Variants in SLC9A9 observed in about 807,000 individuals in gnomAD.
SLC9A9 encodes sodium/hydrogen exchanger 9.
SLC9A9 carries 62 observed loss-of-function variants against 77.8 expected under a neutral mutation model. The ratio of observed to expected loss-of-function variants is 0.80; its 90% CI spans 0.65 to 0.98. The LOEUF is 0.98. Ranked by LOEUF, SLC9A9 falls within the 50% of genes least tolerant of loss-of-function variation. SLC9A9 has a pLI of 0.00. For synonymous variants in SLC9A9, 320 were observed against 283.5 expected, an observed-to-expected ratio of 1.13 and a Z score of -1.29; for missense variants, 775 against 774.9, an observed-to-expected ratio of 1.00 and a Z score of 0.00.
chr3:143,599,404 G>A (rs982221743), intron 6 of SLC9A9, among the ~76,000 whole-genome samples: 9 of 152,032 alleles, frequency 5.9e-5, no homozygotes, highest in African/African-American at 2.2e-4. Flanking sequence ...TATAAGGAGA[G>A]CCTCTGTTTG....
At chr3:143,387,469 C>T (rs2033455659) in intron 12 of SLC9A9, among the ~76,000 whole-genome samples, 1 of 151,868 alleles carries the variant, frequency 6.6e-6, no homozygotes, top group Non-Finnish European at 1.5e-5. Flanking sequence ...AATTAGAAAG[C>T]AACTAAAAAA....
At chr3:143,688,909 T>A (rs190290579) in intron 5 of SLC9A9, among the ~76,000 whole-genome samples, 12 of 150,862 alleles carry the variant, frequency 8.0e-5, no homozygotes, top group Admixed American at 4.7e-4. Flanking sequence ...GTCTAATGAC[T>A]CTACTGGAAA....
intron 4 of SLC9A9, among the ~76,000 whole-genome samples, chr3:143,765,892 G>A (rs2007297964): frequency 6.6e-6 from 1 of 152,156 alleles, no homozygotes; most frequent in African/African-American, 2.4e-5. Flanking sequence ...AAAAAGCCTT[G>A]TAAATTTTTG....
chr3:143,541,925 A>G (rs570209298), intron 9 of SLC9A9, among the ~76,000 whole-genome samples: 2 of 152,346 alleles, frequency 1.3e-5, no homozygotes, highest in South Asian at 4.1e-4. Flanking sequence ...AAGGAGAAAC[A>G]TGGATGTCTT....
intron 5 of SLC9A9, among the ~76,000 whole-genome samples, chr3:143,672,390 C>G (rs958171932): frequency 6.6e-5 from 10 of 152,052 alleles, no homozygotes; most frequent in African/African-American, 2.4e-4. Context: ...CAATGAAGAA[C>G]ACAATTAAAT....
chr3:143,474,576 T>C (rs1213191009), intron 11 of SLC9A9, among the ~76,000 whole-genome samples: 2 of 151,864 alleles, frequency 1.3e-5, no homozygotes, highest in Admixed American at 6.6e-5. Flanking sequence ...CCTGGAAGAA[T>C]TGGGGAAGCC....
At chr3:143,444,632 T>C (rs2034809056) in intron 12 of SLC9A9, among the ~76,000 whole-genome samples, 1 of 152,168 alleles carries the variant, frequency 6.6e-6, no homozygotes, top group African/African-American at 2.4e-5. Context: ...TAGTAATATG[T>C]AATAATAACA....
chr3:143,475,701 A>T (rs2035464646), intron 11 of SLC9A9, among the ~76,000 whole-genome samples: 1 of 151,786 alleles, frequency 6.6e-6, no homozygotes, highest in Admixed American at 6.6e-5. Flanking sequence ...CTGAGGCAGG[A>T]GAATGGCATG....
intron 1 of SLC9A9, among the ~76,000 whole-genome samples, chr3:143,840,584 C>T (rs936244356): frequency 6.6e-6 from 1 of 152,192 alleles, no homozygotes; most frequent in South Asian, 2.1e-4. Flanking sequence ...ATTTCAACTC[C>T]AGCTACTTAA....
chr3:143,633,789 A>G, intron 6 of SLC9A9, among the ~76,000 whole-genome samples: 2 of 152,352 alleles, frequency 1.3e-5, no homozygotes, highest in Middle Eastern at 3.4e-3. Context: ...ATTTAGGAAG[A>G]GTATTAATAT....
chr3:143,373,347 C>G (rs553622348), intron 13 of SLC9A9, among the ~76,000 whole-genome samples: 2 of 151,962 alleles, frequency 1.3e-5, no homozygotes, highest in Admixed American at 1.3e-4. Flanking sequence ...AAATAACTCA[C>G]GAATGGTAAA....
chr3:143,746,495 G>A (rs1367551460), intron 4 of SLC9A9, among the ~76,000 whole-genome samples: 1 of 152,122 alleles, frequency 6.6e-6, no homozygotes, highest in East Asian at 1.9e-4. Context: ...CTGAGAACAT[G>A]TATAGGATAT....
intron 2 of SLC9A9, among the ~76,000 whole-genome samples, chr3:143,809,470 A>G (rs1219268761): frequency 6.6e-6 from 1 of 152,204 alleles, no homozygotes; most frequent in Non-Finnish European, 1.5e-5. Flanking sequence ...GTAACTCCAA[A>G]CCCAGACAAT....
chr3:143,374,979 T>G (rs770533025), intron 13 of SLC9A9, among the ~76,000 whole-genome samples: 4 of 152,146 alleles, frequency 2.6e-5, no homozygotes, highest in African/African-American at 4.8e-5. Context: ...ACTCTCTAGA[T>G]CCATGAGTTC....
At chr3:143,373,709 G>A (rs2033111130) in intron 13 of SLC9A9, among the ~76,000 whole-genome samples, 1 of 150,710 alleles carries the variant, frequency 6.6e-6, no homozygotes, top group East Asian at 1.9e-4. Context: ...AGGCAGATTG[G>A]ATACTAAGAA....
chr3:143,802,878 G>T (rs184767479), intron 2 of SLC9A9, among the ~76,000 whole-genome samples: 1 of 152,078 alleles, frequency 6.6e-6, no homozygotes, highest in East Asian at 1.9e-4. Flanking sequence ...ACTTTTATAC[G>T]GACGCACTTT....
intron 9 of SLC9A9, among the ~76,000 whole-genome samples, chr3:143,512,924 C>A (rs1559947267): frequency 2.0e-5 from 3 of 152,116 alleles, no homozygotes; most frequent in Non-Finnish European, 2.9e-5. Context: ...TACATGTATT[C>A]ATTAAAAATG....
intron 9 of SLC9A9, among the ~76,000 whole-genome samples, chr3:143,507,900 G>T (rs1016553281): frequency 2.0e-5 from 3 of 152,114 alleles, no homozygotes; most frequent in Non-Finnish European, 4.4e-5. Context: ...GAGAGAATGA[G>T]CAAGCAAGCT....
chr3:143,310,084 T>C (rs2030959471), intron 14 of SLC9A9, among the ~76,000 whole-genome samples: 1 of 152,244 alleles, frequency 6.6e-6, no homozygotes, highest in Non-Finnish European at 1.5e-5. Flanking sequence ...ACTGTGATTT[T>C]ATAATTTTTA....
Sources: gnomAD v4.1 joint callset for allele counts (sites outside exome capture counted in the v4.1 genomes callset) on GRCh38, gnomAD v4.1.1 for gene constraint, MANE v1.5 for transcripts, NCBI Gene and HGNC (gene_info 2026-07-23, HGNC 2026-07-21) for gene names.